Variants in PLCB4 observed in about 807,000 individuals in gnomAD.
The protein encoded by PLCB4 is 1-phosphatidylinositol 4,5-bisphosphate phosphodiesterase beta-4.
Under a neutral mutation model 178.8 loss-of-function variants are expected in PLCB4, and 77 were observed. The observed-to-expected ratio is 0.43, with a 90% CI of 0.36 to 0.52. PLCB4 has a LOEUF of 0.52. Ranked by LOEUF, PLCB4 falls within the 20% of genes least tolerant of loss-of-function variation. The pLI is 0.00. For synonymous variants in PLCB4, 496 were observed against 490.8 expected (o/e 1.01, Z -0.14); for missense variants, 1,024 against 1,453.4 (o/e 0.70, Z 4.80).
At chr20:9,410,753 A>G (rs1398568800) in intron 24 of PLCB4, among the ~76,000 whole-genome samples, 4 of 152,220 alleles carry the variant, frequency 2.6e-5, no homozygotes, top group African/African-American at 9.6e-5. Flanking sequence ...CTCTACTCTC[A>G]ATACTCATCA....
At chr20:9,184,747 T>A (rs2093304761) in intron 2 of PLCB4, among the ~76,000 whole-genome samples, 3 of 152,098 alleles carry the variant, frequency 2.0e-5, no homozygotes, top group Admixed American at 2.0e-4. Context: ...GTTGTATACA[T>A]ATAACACACG....
At chr20:9,133,127 T>C (rs1014427137) in intron 2 of PLCB4, among the ~76,000 whole-genome samples, 2 of 152,182 alleles carry the variant, frequency 1.3e-5, no homozygotes, top group Non-Finnish European at 2.9e-5. Flanking sequence ...CATGTATGCT[T>C]CTTATGCAGC....
chr20:9,363,111 C>A, intron 8 of PLCB4, 136 bp downstream of exon 8: 1 of 690,548 alleles, frequency 1.4e-6, no homozygotes, highest in Non-Finnish European at 2.6e-6. Context: ...TTGGAGTTGA[C>A]CAACACACAC....
At chr20:9,301,909 G>A (rs1026433099) in intron 3 of PLCB4, among the ~76,000 whole-genome samples, 1 of 151,864 alleles carries the variant, frequency 6.6e-6, no homozygotes, top group African/African-American at 2.4e-5. Context: ...AAGCCTTCTG[G>A]CCTCCTTCCA....
chr20:9,282,650 A>G (rs1229679446), intron 3 of PLCB4, among the ~76,000 whole-genome samples: 1 of 152,038 alleles, frequency 6.6e-6, no homozygotes, highest in Non-Finnish European at 1.5e-5. Context: ...TAGCAGGTAT[A>G]TAGGTTAGCT....
At chr20:9,299,148 G>A (rs955581049) in intron 3 of PLCB4, among the ~76,000 whole-genome samples, 2 of 151,988 alleles carry the variant, frequency 1.3e-5, no homozygotes, top group African/African-American at 4.8e-5. Flanking sequence ...AATTCTGAAA[G>A]GGGAGAACAA....
intron 2 of PLCB4, among the ~76,000 whole-genome samples, chr20:9,122,646 T>C (rs931666729): frequency 6.6e-6 from 1 of 152,158 alleles, no homozygotes; most frequent in African/African-American, 2.4e-5. Flanking sequence ...GGGAGATCAG[T>C]TTTGCTTGAT....
chr20:9,306,191 G>A (rs1184837801), intron 3 of PLCB4, among the ~76,000 whole-genome samples: 3 of 151,932 alleles, frequency 2.0e-5, no homozygotes, highest in Non-Finnish European at 4.4e-5. Context: ...TGCAATCCCC[G>A]TCTCCTGGGT....
chr20:9,227,115 C>T (rs958027628), intron 3 of PLCB4, among the ~76,000 whole-genome samples: 13 of 151,862 alleles, frequency 8.6e-5, no homozygotes, highest in African/African-American at 2.9e-4. Flanking sequence ...CTCTTCTCTG[C>T]CCTTTGCCCA....
At chr20:9,331,196 A>G (rs1200394680) in intron 4 of PLCB4, among the ~76,000 whole-genome samples, 1 of 152,202 alleles carries the variant, frequency 6.6e-6, no homozygotes, top group African/African-American at 2.4e-5. Flanking sequence ...CTTTCCCAGA[A>G]AACGCAGTTT....
chr20:9,378,922 G>C (rs1602227329), intron 12 of PLCB4, among the ~76,000 whole-genome samples: 1 of 152,100 alleles, frequency 6.6e-6, no homozygotes, highest in East Asian at 1.9e-4. Context: ...AAATAGGGAA[G>C]GGAAATCCAT....
chr20:9,318,163 A>C (rs2094920809), intron 4 of PLCB4, among the ~76,000 whole-genome samples: 1 of 152,184 alleles, frequency 6.6e-6, no homozygotes, highest in South Asian at 2.1e-4. Context: ...TCAAAAAAAA[A>C]ATAAATAAAA....
chr20:9,152,106 G>T (rs1364149191), intron 2 of PLCB4, among the ~76,000 whole-genome samples: 1 of 152,142 alleles, frequency 6.6e-6, no homozygotes, highest in East Asian at 1.9e-4. Context: ...TTCAAGAGGT[G>T]ACTTGGATGC....
At chr20:9,390,990 G>A (rs567422305) in intron 17 of PLCB4, among the ~76,000 whole-genome samples, 117 of 152,168 alleles carry the variant, frequency 7.7e-4, no homozygotes, top group African/African-American at 2.7e-3. Context: ...ATTGATGCAG[G>A]GTCAGCCCTG....
chr20:9,444,502 C>A (rs1005440204), intron 32 of PLCB4, among the ~76,000 whole-genome samples: 1 of 152,160 alleles, frequency 6.6e-6, no homozygotes, highest in African/African-American at 2.4e-5. Context: ...CAGTGGCTCA[C>A]GCCTGTAATC....
At chr20:9,362,292 T>C (rs566379964) in intron 7 of PLCB4, among the ~76,000 whole-genome samples, 1 of 152,304 alleles carries the variant, frequency 6.6e-6, no homozygotes, top group South Asian at 2.1e-4. Flanking sequence ...TCACTTGTCC[T>C]TGTAAAACAG....
intron 18 of PLCB4, 47 bp from the exon 19 acceptor site, chr20:9,395,476 T>G (rs1326510168): frequency 4.6e-6 from 6 of 1,304,578 alleles, no homozygotes; most frequent in Non-Finnish European, 6.7e-6. Flanking sequence ...AGGGTTTGTA[T>G]GTTACCTAGC....
chr20:9,379,695 A>C (rs1446527460), intron 12 of PLCB4, among the ~76,000 whole-genome samples: 1 of 152,094 alleles, frequency 6.6e-6, no homozygotes, highest in Non-Finnish European at 1.5e-5. Flanking sequence ...GCTTTTTAAA[A>C]ATATTTTGAC....
chr20:9,136,271 G>T (rs1363862953), intron 2 of PLCB4, among the ~76,000 whole-genome samples: 1 of 152,228 alleles, frequency 6.6e-6, no homozygotes, highest in Middle Eastern at 3.4e-3. Context: ...AGCTCACTTG[G>T]GAGGTGGTCC....
Sources: allele counts gnomAD v4.1 joint callset (sites outside exome capture counted in the v4.1 genomes callset), GRCh38; gene constraint gnomAD v4.1.1; transcripts MANE v1.5; gene names NCBI Gene and HGNC (gene_info 2026-07-23, HGNC 2026-07-21).